CHAF1B: variants seen among roughly 807,000 people sequenced by gnomAD.
The protein encoded by CHAF1B is CAF-1 subunit B.
A neutral mutation model predicts 60.7 loss-of-function variants in CHAF1B; 10 were observed. The observed-to-expected ratio is 0.16, with a 90% confidence interval of 0.10 to 0.28. The LOEUF (loss-of-function observed/expected upper bound fraction) is 0.28, where lower values mean the gene tolerates loss of function less well. CHAF1B is among the 10% of genes least tolerant of loss of function. CHAF1B has a pLI of 1.00. For missense variants in CHAF1B, 558 were observed against 708.4 expected, an observed-to-expected ratio of 0.79 and a Z score of 2.41; for synonymous variants, 261 against 266.1, an observed-to-expected ratio of 0.98 and a Z score of 0.19.
chr21:36,395,045 C>T (rs1368172065), intron 5 of CHAF1B, among the ~76,000 whole-genome samples: 1 of 148,246 alleles, frequency 6.7e-6, no homozygotes, highest in Non-Finnish European at 1.5e-5. Context: ...CTTACCTTAA[C>T]TTTATTTTTT....
In CHAF1B at chr21:36,390,074, C is replaced by T. The variant is rs1333522673; in HGVS notation, c.260-1477C>T. ...GCAGGCTGGGTGCGGTGGCTCACGC[C>T]TGTAATCCCAGCACTTTGGGAGGCT... is the stretch of plus-strand genomic sequence containing the variant. On this transcript the variant is annotated intron_variant, in intron 3 of 13. Transcript: ENST00000314103. Among the ~76,000 whole-genome samples the T allele has an allele frequency of 3.3e-5, 5 of 152,138 alleles. No individual in the cohort carries two copies. In the East Asian group the frequency reaches 9.7e-4, roughly 29 times the overall value.
chr21:36,417,268 CATAT>C lies in CHAF1B; in HGVS notation c.*907_*910del, dbSNP rs1372633775. The C allele has an allele frequency of 6.7e-6, 1 of 150,166 alleles. No homozygotes were observed. Among genetic ancestry groups the C allele is most frequent in the Non-Finnish European group, 1.5e-5 (1 of 67,818 alleles). The allele number at this position is 150,166 out of a possible 1,614,324, so 9.3% of individuals were successfully genotyped here. Reference sequence around the variant, plus strand: ...ACACACACATGCACCCACACACACACATATATATGATACATATATATATATATAC... The same window carrying C: ...ACACACACATGCACCCACACACACACATATGATACATATATATATATATAC... On this transcript the variant is annotated 3_prime_UTR_variant, in exon 14 of 14. Coordinates refer to ENST00000314103, the MANE Select transcript of CHAF1B (RefSeq NM_005441.3).
chr21:36,406,331 GC>G (rs2086237681), intron 8 of CHAF1B, among the ~76,000 whole-genome samples: 2 of 152,164 alleles, frequency 1.3e-5, no homozygotes. Context: ...TGTCGCCCAG[GC>G]TTGAGAGCAT....
chr21:36,404,804 C>T (rs1411265442), intron 8 of CHAF1B, among the ~76,000 whole-genome samples: 2 of 146,796 alleles, frequency 1.4e-5, no homozygotes, highest in Non-Finnish European at 3.0e-5. Flanking sequence ...AGTGCAGTGG[C>T]ACCATCTTGG....
chr21:36,395,293 C>T (rs1185738230), intron 5 of CHAF1B, among the ~76,000 whole-genome samples: 1 of 152,300 alleles, frequency 6.6e-6, no homozygotes, highest in Admixed American at 6.5e-5. Context: ...GGTGATCCAC[C>T]CGCCTCGGCC....
chr21:36,416,479 G>T lies in CHAF1B; in HGVS notation c.*113G>T. The T allele has an allele frequency of 1.5e-6, 1 of 686,302 alleles. No homozygotes were observed. The highest frequency in any genetic ancestry group is 2.4e-6 in the Non-Finnish European group (1 of 420,294). The allele number at this position is 686,302 out of a possible 1,614,324, so 42.5% of individuals were successfully genotyped here. On this transcript the variant is annotated 3_prime_UTR_variant, in exon 14 of 14. Coordinates refer to ENST00000314103, the MANE Select transcript of CHAF1B (RefSeq NM_005441.3). ...CCATGGAGCGGGACACACTGTAAATGGATTTCTATAACAGAAGTGACATGT... is the reference window on the plus strand; with the variant it reads ...CCATGGAGCGGGACACACTGTAAATTGATTTCTATAACAGAAGTGACATGT...
At chr21:36,405,840 A>T (rs1482668130) in intron 8 of CHAF1B, among the ~76,000 whole-genome samples, 1 of 152,232 alleles carries the variant, frequency 6.6e-6, no homozygotes, top group Non-Finnish European at 1.5e-5. Flanking sequence ...GTCGTGTTCT[A>T]ACAATTAACA....
Position 36,411,593 on chromosome 21 carries a change from T to C in CHAF1B, c.1050T>C (p.Ser350=). The C allele has an allele frequency of 6.2e-7, 1 of 1,613,948 alleles. No individual in the cohort carries two copies. The highest frequency in any genetic ancestry group is 2.2e-5 in the East Asian group (1 of 44,868). The change falls in exon 11 of 14, where the codon AGT becomes AGC. Residue 350 remains serine (S), a synonymous_variant. Transcript: ENST00000314103. The part of the protein sequence containing the change: ...YVSNIHYHTL[S]DISWSSDGAF... The stretch of plus-strand genomic sequence containing the variant: ...CTAATATACATTACCACACCCTCAG[T>C]GACATTTCATGGTGAGTGGCTGCTA...
intron 10 of CHAF1B, among the ~76,000 whole-genome samples, chr21:36,410,103 C>T (rs965540235): frequency 6.6e-5 from 10 of 152,016 alleles, no homozygotes; most frequent in African/African-American, 2.4e-4. Flanking sequence ...GCTGGGATTA[C>T]AGGCGCATGC....
At chr21:36,409,301 A>G in intron 9 of CHAF1B, 73 bp from the exon 10 acceptor site, 1 of 1,298,866 alleles carries the variant, frequency 7.7e-7, no homozygotes, top group South Asian at 1.2e-5. Context: ...GCGCCCTGCC[A>G]AAATGTTTAC....
intron 8 of CHAF1B, among the ~76,000 whole-genome samples, chr21:36,405,700 G>A (rs1450134510): frequency 6.6e-6 from 1 of 152,024 alleles, no homozygotes; most frequent in African/African-American, 2.4e-5. Context: ...CAAAGAGCTG[G>A]GATTACAGGT....
intron 3 of CHAF1B, among the ~76,000 whole-genome samples, chr21:36,387,963 C>T (rs942200923): frequency 2.0e-5 from 3 of 152,054 alleles, no homozygotes; most frequent in South Asian, 2.1e-4. Flanking sequence ...GGATTACAGG[C>T]GCCTGCCACC....
At chr21:36,409,501 T>C in intron 10 of CHAF1B, 36 bp downstream of exon 10, 1 of 1,509,850 alleles carries the variant, frequency 6.6e-7, no homozygotes, top group Non-Finnish European at 9.2e-7. Flanking sequence ...TTATGTTTTC[T>C]CTCCGAAACA....
chr21:36,396,679 AT>A (rs2086142560), intron 5 of CHAF1B, among the ~76,000 whole-genome samples: 3 of 151,764 alleles, frequency 2.0e-5, no homozygotes, highest in Admixed American at 2.0e-4. Context: ...AAAAAAAGGA[AT>A]GGCCAAGGCT....
intron 5 of CHAF1B, among the ~76,000 whole-genome samples, chr21:36,396,000 G>A (rs1056320877): frequency 1.4e-5 from 2 of 147,350 alleles, no homozygotes; most frequent in Non-Finnish European, 3.0e-5. Flanking sequence ...CTTGTTTTGT[G>A]TGGTTTTTTT....
chr21:36,394,196 C>T (rs2146363608), intron 4 of CHAF1B, among the ~76,000 whole-genome samples: 1 of 152,100 alleles, frequency 6.6e-6, no homozygotes, highest in African/African-American at 2.4e-5. Context: ...CCTCCCTCAC[C>T]CTCCTGAGTA....
chr21:36,389,687 GT>G (rs1197733130), intron 3 of CHAF1B, among the ~76,000 whole-genome samples: 1 of 123,552 alleles, frequency 8.1e-6, no homozygotes, highest in Non-Finnish European at 1.7e-5. Context: ...GAAATCTAAA[GT>G]TTTTTTTTGC....
At position 36,391,565 on chromosome 21, in the gene CHAF1B, T is replaced by C. The variant is rs1386962406; in HGVS notation, c.274T>C (p.Leu92=). ...TCACCCTGCAGATGCTGTCATCCTA[T>C]TGTGGAAGGTGAATGATAACAAGGA... ...ASGGDDAVIL[L]WKVNDNKEPE... The change falls in exon 4 of 14, where the codon TTG becomes CTG. Residue 92 remains leucine, a synonymous_variant. Coordinates refer to ENST00000314103, the MANE Select transcript of CHAF1B (RefSeq NM_005441.3). 6.2e-7 allele frequency: 1 copy of C among 1,609,582 alleles called. No individual in the cohort carries two copies. Among genetic ancestry groups the C allele is most frequent in the African/African-American group, 1.3e-5 (1 of 74,728 alleles).
At chr21:36,397,320 A>G (rs1291690184) in intron 5 of CHAF1B, 95 bp from the exon 6 acceptor site, 1 of 510,228 alleles carries the variant, frequency 2.0e-6, no homozygotes, top group Non-Finnish European at 3.4e-6. Context: ...ATGCGTGGTA[A>G]AGGGAATAAT....
Sources: allele counts gnomAD v4.1 joint callset (sites outside exome capture counted in the v4.1 genomes callset), GRCh38; gene constraint gnomAD v4.1.1; transcripts MANE v1.5; gene names NCBI Gene and HGNC (gene_info 2026-07-23, HGNC 2026-07-21).